Variants in SERTAD2 observed in about 807,000 individuals in gnomAD.
The protein encoded by SERTAD2 is SERTA domain-containing protein 2.
In SERTAD2, 2 loss-of-function variants were observed where a neutral mutation model predicts 15.4. The ratio of observed to expected loss-of-function variants is 0.13; its 90% CI spans 0.05 to 0.41. SERTAD2 has a LOEUF of 0.41. Ranked by LOEUF, SERTAD2 falls within the 10% of genes least tolerant of loss-of-function variation. The pLI is 0.99. For missense variants in SERTAD2, 333 were observed against 409.7 expected, an observed-to-expected ratio of 0.81 and a Z score of 1.62; for synonymous variants, 180 against 178.0, an observed-to-expected ratio of 1.01 and a Z score of -0.09.
Position 64,653,871 on chromosome 2 carries a change from G to T in SERTAD2, c.-256C>A. 2 of 152,916 alleles carry T rather than the reference G, an allele frequency of 1.3e-5. No homozygotes were observed. The highest frequency in any genetic ancestry group is 3.7e-4 in the South Asian group (2 of 5,404). The allele number at this position is 152,916 out of a possible 1,614,324, so 9.5% of individuals were successfully genotyped here. A position where few individuals can be genotyped will look rare whatever the true frequency, so the allele number is the denominator to read the frequency against. ...GGCGGGCGGAGGGGGCGCCCTGACC[G>T]AGCGAGCGGTACGTCGTGCTCCAGC... On this transcript the variant is annotated 5_prime_UTR_variant, in exon 1 of 2. Coordinates refer to ENST00000313349, the MANE Select transcript of SERTAD2 (RefSeq NM_014755.3).
Position 64,636,133 on chromosome 2 carries a change from G to C in SERTAD2, c.739C>G (p.Leu247Val), listed in dbSNP as rs1475390841. 6.2e-7 allele frequency: 1 copy of C among 1,614,206 alleles called. No individual in the cohort carries two copies. Among genetic ancestry groups the C allele is most frequent in the South Asian group, 1.1e-5 (1 of 91,076 alleles). Residue 247 changes from leucine to valine, a missense_variant, in exon 2 of 2, where the codon CTG becomes GTG. This residue lies in a region of SERTAD2 where 332 missense variants were observed against 392.9 expected (regional missense o/e 0.84). Transcript: ENST00000313349. ...ATGGACGTATCAATGTCAGCAAACAGGATGTCATCCAGGGTCAAGTCTGTC... is the reference window on the plus strand; with the variant it reads ...ATGGACGTATCAATGTCAGCAAACACGATGTCATCCAGGGTCAAGTCTGTC... ...FLTDLTLDDI[L>V]FADIDTSMYD... is the part of the protein sequence containing the mutation.
At chr2:64,651,154 T>C (rs531368122) in intron 1 of SERTAD2, among the ~76,000 whole-genome samples, 1 of 152,370 alleles carries the variant, frequency 6.6e-6, no homozygotes, top group Non-Finnish European at 1.5e-5. Context: ...TTGATTCTGT[T>C]GATATATGTG....
intron 1 of SERTAD2, among the ~76,000 whole-genome samples, chr2:64,650,743 T>C (rs995924294): frequency 1.3e-5 from 2 of 152,238 alleles, no homozygotes; most frequent in African/African-American, 4.8e-5. Flanking sequence ...ATTAACAATA[T>C]GTACAAAATA....
At chr2:64,648,719 A>C (rs1280627728) in intron 1 of SERTAD2, among the ~76,000 whole-genome samples, 1 of 152,126 alleles carries the variant, frequency 6.6e-6, no homozygotes, top group Non-Finnish European at 1.5e-5. Context: ...GGAGCTTTAG[A>C]AGGAGGCAGG....
chr2:64,643,884 C>G (rs1335101800), intron 1 of SERTAD2, among the ~76,000 whole-genome samples: 1 of 151,738 alleles, frequency 6.6e-6, no homozygotes, highest in East Asian at 1.9e-4. Flanking sequence ...CAAAACAAAA[C>G]AAAACAAAAA....
At chr2:64,643,893 A>C (rs1465598523) in intron 1 of SERTAD2, among the ~76,000 whole-genome samples, 2 of 143,326 alleles carry the variant, frequency 1.4e-5, no homozygotes, top group Non-Finnish European at 3.1e-5. Flanking sequence ...ACAAAACAAA[A>C]AAAACACCAA....
chr2:64,653,639 GA>G lies in SERTAD2; in HGVS notation c.-25del, dbSNP rs937586419. On this transcript the variant is annotated 5_prime_UTR_variant, in exon 1 of 2. Transcript: ENST00000313349. ...ACTTACCACATGCAGCTCCACCTGG[GA>G]ACTAACGCATCAGGAGGGGTTTCCG... 5 of 152,360 alleles carry G rather than the reference GA, an allele frequency of 3.3e-5. No homozygotes were observed. The highest frequency in any genetic ancestry group is 4.4e-5 in the Non-Finnish European group (3 of 68,180). 9.4% of individuals were successfully genotyped at this position (152,360 alleles called of 1,614,324 possible).
chr2:64,640,503 T>C (rs573610273), intron 1 of SERTAD2, among the ~76,000 whole-genome samples: 1 of 152,120 alleles, frequency 6.6e-6, no homozygotes, highest in East Asian at 1.9e-4. Flanking sequence ...TCTAAGAAAA[T>C]AACAATAGCT....
chr2:64,649,374 G>T (rs1674966999), intron 1 of SERTAD2, among the ~76,000 whole-genome samples: 1 of 152,214 alleles, frequency 6.6e-6, no homozygotes, highest in Non-Finnish European at 1.5e-5. Context: ...TAGTGTTTTT[G>T]ACCATGGTCT....
At chr2:64,647,688 A>G (rs1299736154) in intron 1 of SERTAD2, among the ~76,000 whole-genome samples, 5 of 152,132 alleles carry the variant, frequency 3.3e-5, no homozygotes, top group African/African-American at 1.2e-4. Context: ...AAAAAAAAAA[A>G]AAGACTCAAG....
intron 1 of SERTAD2, among the ~76,000 whole-genome samples, chr2:64,641,371 T>G (rs1248840332): frequency 6.6e-6 from 1 of 152,194 alleles, no homozygotes; most frequent in Non-Finnish European, 1.5e-5. Context: ...TACTGTGGGC[T>G]GGGGGCGGCC....
At chr2:64,653,068 A>G (rs1191843053) in intron 1 of SERTAD2, among the ~76,000 whole-genome samples, 4 of 152,196 alleles carry the variant, frequency 2.6e-5, no homozygotes, top group Non-Finnish European at 1.5e-5. Flanking sequence ...GTAGATCCCA[A>G]ATCAATTCAT....
In SERTAD2 at chr2:64,636,115, T is replaced by C; in HGVS notation, c.757A>G (p.Thr253Ala). The C allele has an allele frequency of 6.2e-7, 1 of 1,614,178 alleles. No homozygotes were observed. The highest frequency in any genetic ancestry group is 8.5e-7 in the Non-Finnish European group (1 of 1,180,020). The change falls in exon 2 of 2, where the codon ACG becomes GCG. Residue 253 changes from threonine to alanine, a missense_variant. Thr to Ala is a moderately conservative substitution (Grantham distance 58). Around this residue, in one of 2 missense-constraint regions of SERTAD2, gnomAD observed 332 missense variants for 392.9 expected, o/e 0.84. Coordinates refer to ENST00000313349, the MANE Select transcript of SERTAD2 (RefSeq NM_014755.3). ...LDDILFADID[T>A]SMYDFDPCTS... ...CAGGGGTCAAAATCATACATGGACG[T>C]ATCAATGTCAGCAAACAGGATGTCA...
rs1051185215 is a variant in SERTAD2, at chr2:64,634,110, G to A, written c.*1817C>T. ...ATATTGACAAATGACCAACAACAAAGACAACAACAACAACAAAACATCCCA... is the reference window on the plus strand; with the variant it reads ...ATATTGACAAATGACCAACAACAAAAACAACAACAACAACAAAACATCCCA... On this transcript the variant is annotated 3_prime_UTR_variant, in exon 2 of 2. Transcript: ENST00000313349. The A allele has an allele frequency of 3.3e-5, 5 of 152,016 alleles. No individual in the cohort carries two copies. The highest frequency in any genetic ancestry group is 1.2e-4 in the African/African-American group (5 of 41,322). 9.4% of individuals were successfully genotyped at this position (152,016 alleles called of 1,614,324 possible).
In SERTAD2 at chr2:64,635,283, G is replaced by A. The variant is rs1674632669; in HGVS notation, c.*644C>T. 1 of 152,640 alleles carries A rather than the reference G, an allele frequency of 6.6e-6. No individual in the cohort carries two copies. 9.5% of individuals were successfully genotyped at this position (152,640 alleles called of 1,614,324 possible). ...CATCTGAAGTTTGCAGGAACTATGT[G>A]AGCAAATCCTATCAAAATAGCTATC... On this transcript the variant is annotated 3_prime_UTR_variant, in exon 2 of 2. Transcript: ENST00000313349.
chr2:64,640,760 TA>T (rs1221220148), intron 1 of SERTAD2, among the ~76,000 whole-genome samples: 1 of 152,104 alleles, frequency 6.6e-6, no homozygotes, highest in Non-Finnish European at 1.5e-5. Context: ...GACCAAAGCC[TA>T]AAAAACCCAT....
chr2:64,636,505 T>C lies in SERTAD2; in HGVS notation c.367A>G (p.Thr123Ala), dbSNP rs779275103. The C allele has an allele frequency of 3.7e-6, 6 of 1,608,512 alleles. No homozygotes were observed. The highest frequency in any genetic ancestry group is 5.1e-6 in the Non-Finnish European group (6 of 1,176,458). ...GTGAGGCAGGCCTCCAGGGGCGTAGTGCTTCCGAGGTCGCAGGGGTGGGAG... is the reference window on the plus strand; with the variant it reads ...GTGAGGCAGGCCTCCAGGGGCGTAGCGCTTCCGAGGTCGCAGGGGTGGGAG... ...PSSHPCDLGS[T>A]TPLEACLTPA... The change falls in exon 2 of 2, where the codon ACT (threonine) becomes GCT (alanine). Residue 123 changes from threonine to alanine, a missense_variant. Transcript: ENST00000313349.
At position 64,645,986 on chromosome 2, in the gene SERTAD2, GA is replaced by G. The variant is rs200076506; in HGVS notation, c.-5+7633del. On this transcript the variant is annotated intron_variant, in intron 1 of 1. Transcript: ENST00000313349. Reference sequence around the variant, plus strand: ...AATGCTTTGTTTTCTCAGTTTTAAGGAATTTTTTTTAATTTATAAGGAAAAA... The same window carrying G: ...AATGCTTTGTTTTCTCAGTTTTAAGGATTTTTTTTAATTTATAAGGAAAAA... Among the ~76,000 whole-genome samples the G allele has an allele frequency of 2.0e-3, 309 of 152,194 alleles. 1 individual carries two copies. Among genetic ancestry groups the G allele is most frequent in the African/African-American group, 7.1e-3 (294 of 41,514 alleles).
At chr2:64,639,892 A>G (rs966013594) in intron 1 of SERTAD2, among the ~76,000 whole-genome samples, 4 of 152,202 alleles carry the variant, frequency 2.6e-5, no homozygotes, top group African/African-American at 7.2e-5. Context: ...AGAAAGCCTG[A>G]TAAGACATCT....
Sources: allele counts gnomAD v4.1 joint callset (sites outside exome capture counted in the v4.1 genomes callset), GRCh38; gene constraint gnomAD v4.1.1; regional missense constraint gnomAD v4.1.1; transcripts MANE v1.5; gene names NCBI Gene and HGNC (gene_info 2026-07-23, HGNC 2026-07-21).